STXBP6: variants seen among roughly 807,000 people sequenced by gnomAD.
STXBP6 encodes the protein syntaxin binding protein 6.
Under a neutral mutation model 26.9 loss-of-function variants are expected in STXBP6, and 21 were observed. The observed-to-expected ratio is 0.78, with a 90% CI of 0.55 to 1.12. The LOEUF (loss-of-function observed/expected upper bound fraction) is 1.12. Among genes scored for constraint, STXBP6 ranks in the 50% most tolerant of loss-of-function variants. The pLI is 0.00. For synonymous variants in STXBP6, 97 were observed against 92.6 expected (o/e 1.05, Z -0.27); for missense variants, 232 against 257.9 (o/e 0.90, Z 0.69).
intron 2 of STXBP6, among the ~76,000 whole-genome samples, chr14:24,936,819 A>G (rs2072618094): frequency 1.3e-5 from 2 of 152,220 alleles, no homozygotes. Context: ...AAATCATTCT[A>G]TGATAAAGAC....
intron 4 of STXBP6, among the ~76,000 whole-genome samples, chr14:24,833,907 G>C (rs531404398): frequency 6.6e-5 from 10 of 152,288 alleles, no homozygotes; most frequent in Admixed American, 2.0e-4. Flanking sequence ...GGTTCTTCCT[G>C]TGTTTATTCC....
intron 4 of STXBP6, among the ~76,000 whole-genome samples, chr14:24,841,552 G>C (rs1191856375): frequency 6.6e-6 from 1 of 152,032 alleles, no homozygotes; most frequent in Non-Finnish European, 1.5e-5. Context: ...TGAGATGAAT[G>C]GTAGAGCATC....
intron 2 of STXBP6, among the ~76,000 whole-genome samples, chr14:24,947,031 T>G (rs2073015266): frequency 1.3e-5 from 2 of 152,110 alleles, no homozygotes; most frequent in African/African-American, 4.8e-5. Context: ...AGAAACAATC[T>G]GAGAAAGTAA....
intron 2 of STXBP6, among the ~76,000 whole-genome samples, chr14:24,871,835 C>G (rs1390300971): frequency 6.6e-6 from 1 of 152,180 alleles, no homozygotes; most frequent in African/African-American, 2.4e-5. Flanking sequence ...ATTCACCTGA[C>G]TCATCAGAGC....
intron 1 of STXBP6, among the ~76,000 whole-genome samples, chr14:25,027,109 T>G (rs979049113): frequency 6.6e-6 from 1 of 152,224 alleles, no homozygotes; most frequent in African/African-American, 2.4e-5. Flanking sequence ...GCAGACCAAT[T>G]TGACTTGCTT....
intron 1 of STXBP6, among the ~76,000 whole-genome samples, chr14:24,989,779 A>G (rs2074419733): frequency 6.6e-6 from 1 of 152,344 alleles, no homozygotes; most frequent in East Asian, 1.9e-4. Flanking sequence ...TAGACAGAGC[A>G]TATGTTGAGC....
intron 1 of STXBP6, among the ~76,000 whole-genome samples, chr14:24,996,864 C>CAAAAAAAA (rs753413417): frequency 4.9e-5 from 3 of 60,894 alleles, no homozygotes; most frequent in South Asian, 7.4e-4. Flanking sequence ...AACTCTGTCT[C>CAAAAAAAA]AAAAAAAAAA....
intron 2 of STXBP6, among the ~76,000 whole-genome samples, chr14:24,957,982 A>G (rs183625455): frequency 3.9e-5 from 6 of 152,364 alleles, no homozygotes; most frequent in African/African-American, 1.4e-4. Context: ...AAAGCCTCAT[A>G]TCAGGAAAGA....
Position 24,888,745 on chromosome 14 carries a change from T to A in STXBP6, c.155-31588A>T, listed in dbSNP as rs139596907. 1.6e-3 allele frequency among the ~76,000 whole-genome samples: 248 copies of A among 151,466 alleles called. 2 individuals carry two copies. Among genetic ancestry groups the A allele is most frequent in the African/African-American group, 5.6e-3 (230 of 41,288 alleles). On this transcript the variant is annotated intron_variant, in intron 2 of 5. Coordinates refer to ENST00000323944, the MANE Select transcript of STXBP6 (RefSeq NM_001394410.1). ...TCAAAAAAAAAAAAAAAAGAATGGTTCAAAGTCTGTTCCAGAAAATATTTA... is the reference window on the plus strand; with the variant it reads ...TCAAAAAAAAAAAAAAAAGAATGGTACAAAGTCTGTTCCAGAAAATATTTA...
intron 1 of STXBP6, among the ~76,000 whole-genome samples, chr14:25,033,263 A>G (rs1338088480): frequency 1.3e-5 from 2 of 152,080 alleles, no homozygotes; most frequent in African/African-American, 2.4e-5. Flanking sequence ...ACATCCAGTC[A>G]TATCACTTCT....
intron 5 of STXBP6, chr14:24,817,500 A>G (rs995323542): frequency 6.4e-6 from 1 of 156,938 alleles, no homozygotes; most frequent in Non-Finnish European, 1.4e-5. Flanking sequence ...CCTTCCCAGA[A>G]CTGAAGACTG....
At chr14:24,991,134 A>T (rs1055249718) in intron 1 of STXBP6, among the ~76,000 whole-genome samples, 1 of 146,828 alleles carries the variant, frequency 6.8e-6, no homozygotes, top group Non-Finnish European at 1.5e-5. Context: ...TGAGTGAGAG[A>T]AGGAGGAGGA....
chr14:24,998,009 C>A (rs2074650775), intron 1 of STXBP6, among the ~76,000 whole-genome samples: 1 of 151,794 alleles, frequency 6.6e-6, no homozygotes, highest in Non-Finnish European at 1.5e-5. Flanking sequence ...AAAAATATAA[C>A]CACCATTGTG....
intron 2 of STXBP6, among the ~76,000 whole-genome samples, chr14:24,943,016 C>A (rs2072859039): frequency 6.6e-6 from 1 of 152,204 alleles, no homozygotes; most frequent in African/African-American, 2.4e-5. Context: ...GGTGAAATCC[C>A]TTCCAGAAAA....
At chr14:24,925,002 C>T (rs1045321125) in intron 2 of STXBP6, among the ~76,000 whole-genome samples, 1 of 152,212 alleles carries the variant, frequency 6.6e-6, no homozygotes, top group Non-Finnish European at 1.5e-5. Context: ...CTTCTACCCA[C>T]ATGGCTATCA....
chr14:25,034,311 T>C (rs562325083), intron 1 of STXBP6, among the ~76,000 whole-genome samples: 77 of 152,300 alleles, frequency 5.1e-4, no homozygotes, highest in Non-Finnish European at 9.8e-4. Flanking sequence ...TCATCATCCT[T>C]ACATGAAGCT....
chr14:24,852,741 C>A (rs2069196255), intron 4 of STXBP6, among the ~76,000 whole-genome samples: 1 of 152,096 alleles, frequency 6.6e-6, no homozygotes, highest in African/African-American at 2.4e-5. Flanking sequence ...TTTTCTCCCA[C>A]CTCCCTTTTT....
chr14:24,908,545 C>G (rs527355140), intron 2 of STXBP6, among the ~76,000 whole-genome samples: 5 of 152,332 alleles, frequency 3.3e-5, no homozygotes, highest in African/African-American at 1.2e-4. Context: ...TGTTTCTTCT[C>G]CACGTCCACT....
chr14:24,922,977 A>G (rs1289653375), intron 2 of STXBP6, among the ~76,000 whole-genome samples: 1 of 152,120 alleles, frequency 6.6e-6, no homozygotes, highest in Non-Finnish European at 1.5e-5. Flanking sequence ...ATTTTAATGT[A>G]TAATATGAAA....
Sources: gnomAD v4.1 joint callset for allele counts (sites outside exome capture counted in the v4.1 genomes callset) on GRCh38, gnomAD v4.1.1 for gene constraint, MANE v1.5 for transcripts, NCBI Gene and HGNC (gene_info 2026-07-23, HGNC 2026-07-21) for gene names.